The following TSPAN18 variants were observed in gnomAD, a reference collection of about 807,000 sequenced individuals.
The protein encoded by TSPAN18 is tetraspanin-18.
A neutral mutation model predicts 27.3 loss-of-function variants in TSPAN18; 14 were observed. The ratio of observed to expected loss-of-function variants is 0.51; its 90% CI spans 0.34 to 0.80. TSPAN18 has a LOEUF of 0.80. TSPAN18 is among the 30% of genes least tolerant of loss of function. The probability of loss-of-function intolerance (pLI) is 0.01; values close to 1 mark genes in which losing one functional copy is unlikely to be tolerated. For missense variants in TSPAN18, 268 were observed against 323.9 expected, an observed-to-expected ratio of 0.83 and a Z score of 1.32; for synonymous variants, 143 against 136.5, an observed-to-expected ratio of 1.05 and a Z score of -0.33.
intron 8 of TSPAN18, among the ~76,000 whole-genome samples, chr11:44,923,312 G>A (rs1316573612): frequency 6.6e-6 from 1 of 152,100 alleles, no homozygotes; most frequent in East Asian, 1.9e-4. Flanking sequence ...GGCAGCAGGG[G>A]GTGGGGGATG....
At chr11:44,737,623 G>A (rs562994325) in intron 1 of TSPAN18, among the ~76,000 whole-genome samples, 2 of 152,260 alleles carry the variant, frequency 1.3e-5, no homozygotes, top group Admixed American at 6.5e-5. Flanking sequence ...TACACACTTA[G>A]TTAGGAAAAC....
chr11:44,786,680 G>GTA lies in TSPAN18; in HGVS notation c.-153+22169_-153+22170dup, dbSNP rs1856066541. 2.2e-5 allele frequency among the ~76,000 whole-genome samples: 3 copies of GTA among 138,140 alleles called. No homozygotes were observed. The South Asian group carries it at 6.8e-4, about 32-fold the overall frequency. The allele number at this position is 138,140 out of a possible 152,430, so 90.6% of individuals were successfully genotyped here. ...AGAGTTTCACTCTGTTGCCCAGGCT[G>GTA]TAGTGCAGAGGTGCGATCTCGGCTC... On this transcript the variant is annotated intron_variant, in intron 2 of 9. Transcript: ENST00000520358.
chr11:44,788,296 G>C (rs996195360), intron 2 of TSPAN18, among the ~76,000 whole-genome samples: 7 of 152,082 alleles, frequency 4.6e-5, no homozygotes, highest in African/African-American at 1.7e-4. Flanking sequence ...TGCTGTCTAC[G>C]TGCGCTGTCC....
At chr11:44,756,286 GTTC>G (rs1451287508) in intron 1 of TSPAN18, among the ~76,000 whole-genome samples, 5 of 111,320 alleles carry the variant, frequency 4.5e-5, no homozygotes, top group Non-Finnish European at 8.8e-5. Flanking sequence ...GCCCCCATCT[GTTC>G]TTTGTGAGAA....
chr11:44,760,831 C>T (rs892321804), intron 1 of TSPAN18, among the ~76,000 whole-genome samples: 1 of 152,102 alleles, frequency 6.6e-6, no homozygotes, highest in Non-Finnish European at 1.5e-5. Flanking sequence ...TCTCTAAAAC[C>T]AGGATGCATT....
At chr11:44,753,469 A>C (rs1332335691) in intron 1 of TSPAN18, among the ~76,000 whole-genome samples, 1 of 152,210 alleles carries the variant, frequency 6.6e-6, no homozygotes, top group Non-Finnish European at 1.5e-5. Context: ...TGATCTGCTC[A>C]TAAACCCAGC....
chr11:44,734,829 G>A (rs11601303), intron 1 of TSPAN18, among the ~76,000 whole-genome samples: 1 of 152,320 alleles, frequency 6.6e-6, no homozygotes, highest in Non-Finnish European at 1.5e-5. Flanking sequence ...ACAGATTGCA[G>A]CGTGCTCTAG....
At chr11:44,918,620 G>T (rs936288544) in intron 6 of TSPAN18, among the ~76,000 whole-genome samples, 11 of 152,050 alleles carry the variant, frequency 7.2e-5, no homozygotes, top group Admixed American at 5.9e-4. Flanking sequence ...TAGAGGAGGC[G>T]GGCGGGGAGG....
intron 9 of TSPAN18, among the ~76,000 whole-genome samples, chr11:44,927,942 C>T: frequency 6.6e-6 from 1 of 152,172 alleles, no homozygotes; most frequent in East Asian, 1.9e-4. Flanking sequence ...TGATCTGCTG[C>T]CTCACTCCCA....
intron 1 of TSPAN18, among the ~76,000 whole-genome samples, chr11:44,733,897 TG>T (rs946193013): frequency 2.6e-5 from 4 of 152,090 alleles, no homozygotes; most frequent in Non-Finnish European, 5.9e-5. Context: ...TGCTATAGTT[TG>T]GTTTGTTTGA....
At chr11:44,759,893 T>TA (rs1414729695) in intron 1 of TSPAN18, among the ~76,000 whole-genome samples, 1 of 152,164 alleles carries the variant, frequency 6.6e-6, no homozygotes, top group African/African-American at 2.4e-5. Context: ...AACAATGACT[T>TA]ATGCCTGTTG....
At chr11:44,733,717 A>G (rs1172480897) in intron 1 of TSPAN18, among the ~76,000 whole-genome samples, 1 of 152,162 alleles carries the variant, frequency 6.6e-6, no homozygotes, top group Non-Finnish European at 1.5e-5. Flanking sequence ...GGAGAGCCAT[A>G]AGAATTTGGG....
At chr11:44,844,256 T>C (rs1857434696) in intron 2 of TSPAN18, among the ~76,000 whole-genome samples, 1 of 152,056 alleles carries the variant, frequency 6.6e-6, no homozygotes, top group Middle Eastern at 3.4e-3. Context: ...ATTTTTTCTG[T>C]GGATGGACAT....
At chr11:44,732,185 G>A (rs1170617154) in intron 1 of TSPAN18, among the ~76,000 whole-genome samples, 1 of 152,234 alleles carries the variant, frequency 6.6e-6, no homozygotes, top group Non-Finnish European at 1.5e-5. Flanking sequence ...CTTGGGAGGG[G>A]CCAGGCCAGG....
At chr11:44,923,126 A>G (rs1860206405) in intron 8 of TSPAN18, among the ~76,000 whole-genome samples, 2 of 152,102 alleles carry the variant, frequency 1.3e-5, no homozygotes, top group African/African-American at 4.8e-5. Flanking sequence ...AGAAAAAAAG[A>G]AGCCTTTGGA....
intron 4 of TSPAN18, among the ~76,000 whole-genome samples, chr11:44,908,810 A>AGAAGGAAG (rs1564993114): frequency 8.6e-5 from 10 of 116,480 alleles, no homozygotes; most frequent in South Asian, 2.8e-4. Context: ...AAAGAAAGAA[A>AGAAGGAAG]GAAAGAAAGA....
intron 2 of TSPAN18, among the ~76,000 whole-genome samples, chr11:44,773,986 G>A (rs1012935700): frequency 1.3e-5 from 2 of 152,072 alleles, no homozygotes; most frequent in Non-Finnish European, 1.5e-5. Context: ...CTCCTCAGTC[G>A]GACTCCCACC....
chr11:44,780,404 C>T (rs924613788), intron 2 of TSPAN18, among the ~76,000 whole-genome samples: 1 of 152,214 alleles, frequency 6.6e-6, no homozygotes, highest in Non-Finnish European at 1.5e-5. Flanking sequence ...AGTACAAGTG[C>T]CCTCCGAGGC....
chr11:44,761,411 A>T (rs1855452565), intron 1 of TSPAN18, among the ~76,000 whole-genome samples: 1 of 152,204 alleles, frequency 6.6e-6, no homozygotes, highest in East Asian at 1.9e-4. Flanking sequence ...GACTGCAATG[A>T]GATCTCATGG....
Sources: allele counts gnomAD v4.1 joint callset (sites outside exome capture counted in the v4.1 genomes callset), GRCh38; gene constraint gnomAD v4.1.1; transcripts MANE v1.5; gene names NCBI Gene and HGNC (gene_info 2026-07-23, HGNC 2026-07-21).